Variants in UNC5D observed in about 807,000 individuals in gnomAD.
The protein encoded by UNC5D is netrin receptor UNC5D.
Under a neutral mutation model 105.4 loss-of-function variants are expected in UNC5D, and 39 were observed. That is an observed-to-expected ratio of 0.37 (90% CI 0.29 to 0.48). The LOEUF (loss-of-function observed/expected upper bound fraction) is 0.48. Among genes scored for constraint, UNC5D ranks in the 20% least tolerant of loss-of-function variants. UNC5D has a pLI of 0.98. For synonymous variants in UNC5D, 452 were observed against 450.4 expected, an observed-to-expected ratio of 1.00 and a Z score of -0.04; for missense variants, 991 against 1,202.4, an observed-to-expected ratio of 0.82 and a Z score of 2.60.
At chr8:35,605,901 G>T (rs1427208268) in intron 4 of UNC5D, among the ~76,000 whole-genome samples, 1 of 152,048 alleles carries the variant, frequency 6.6e-6, no homozygotes, top group African/African-American at 2.4e-5. Flanking sequence ...TAGACATTAG[G>T]TGAAACTATT....
At chr8:35,359,715 C>T (rs926245018) in intron 1 of UNC5D, among the ~76,000 whole-genome samples, 12 of 152,116 alleles carry the variant, frequency 7.9e-5, no homozygotes, top group East Asian at 3.9e-4. Context: ...TTCTACATCA[C>T]GTTCATTAAA....
intron 1 of UNC5D, among the ~76,000 whole-genome samples, chr8:35,511,135 C>G (rs1812673130): frequency 6.6e-6 from 1 of 152,126 alleles, no homozygotes; most frequent in Non-Finnish European, 1.5e-5. Context: ...TATGTAAGAG[C>G]AGTTCTTCTT....
chr8:35,331,680 T>C (rs1467604838), intron 1 of UNC5D, among the ~76,000 whole-genome samples: 1 of 152,168 alleles, frequency 6.6e-6, no homozygotes, highest in Non-Finnish European at 1.5e-5. Context: ...CATGAATCAG[T>C]TCTCATGAAG....
intron 1 of UNC5D, among the ~76,000 whole-genome samples, chr8:35,305,583 T>TTCTTTC (rs1302149763): frequency 7.4e-5 from 6 of 81,508 alleles, no homozygotes; most frequent in African/African-American, 2.5e-4. Context: ...TTCTTTTTCT[T>TTCTTTC]TCTTTCTTTC....
At chr8:35,594,188 A>T (rs1819350706) in intron 3 of UNC5D, among the ~76,000 whole-genome samples, 1 of 152,164 alleles carries the variant, frequency 6.6e-6, no homozygotes, top group Admixed American at 6.5e-5. Context: ...ATATATACTC[A>T]TGAAGACCTC....
rs887152418 is a variant in UNC5D at position 35,235,491 on chromosome 8, G to A, written c.-294G>A. ...GCCTCCGCTCCGTAGTTCGGGGCCCGGCAGCGGCGCGAGGGCTGGGAACTG... is the reference window on the plus strand; with the variant it reads ...GCCTCCGCTCCGTAGTTCGGGGCCCAGCAGCGGCGCGAGGGCTGGGAACTG... On this transcript the variant is annotated 5_prime_UTR_variant, in exon 1 of 17. Transcript: ENST00000404895. The A allele has an allele frequency of 6.9e-6, 2 of 288,532 alleles. No homozygotes were observed. Among genetic ancestry groups the A allele is most frequent in the Non-Finnish European group, 1.3e-5 (2 of 156,538 alleles). 17.9% of individuals were successfully genotyped at this position (288,532 alleles called of 1,614,324 possible).
chr8:35,459,367 A>G (rs1808727239), intron 1 of UNC5D, among the ~76,000 whole-genome samples: 1 of 152,208 alleles, frequency 6.6e-6, no homozygotes, highest in South Asian at 2.1e-4. Flanking sequence ...AAGCAGGCTA[A>G]TAACATTTCA....
intron 1 of UNC5D, among the ~76,000 whole-genome samples, chr8:35,312,249 C>T (rs540541135): frequency 9.9e-4 from 151 of 152,250 alleles, no homozygotes; most frequent in Non-Finnish European, 1.8e-3. Flanking sequence ...AAATGTCTAA[C>T]CAGGATGACA....
At chr8:35,488,298 A>G (rs1255814771) in intron 1 of UNC5D, among the ~76,000 whole-genome samples, 1 of 152,200 alleles carries the variant, frequency 6.6e-6, no homozygotes, top group Non-Finnish European at 1.5e-5. Flanking sequence ...GGACAAAATG[A>G]AGGAAGACTG....
At chr8:35,345,453 C>T (rs1811739960) in intron 1 of UNC5D, among the ~76,000 whole-genome samples, 1 of 151,952 alleles carries the variant, frequency 6.6e-6, no homozygotes, top group Non-Finnish European at 1.5e-5. Flanking sequence ...AAATAAAAAT[C>T]CTGCTATACT....
At chr8:35,749,634 G>A (rs529925876) in intron 12 of UNC5D, among the ~76,000 whole-genome samples, 172 of 152,246 alleles carry the variant, frequency 1.1e-3, no homozygotes, top group African/African-American at 3.9e-3. Context: ...GCGTTTTAGT[G>A]CAACCATGAG....
At chr8:35,246,975 C>G (rs1803143670) in intron 1 of UNC5D, among the ~76,000 whole-genome samples, 1 of 151,946 alleles carries the variant, frequency 6.6e-6, no homozygotes, top group Non-Finnish European at 1.5e-5. Flanking sequence ...ATTTCCAGGC[C>G]AAAGTCCAAA....
At position 35,312,804 on chromosome 8, in the gene UNC5D, A is replaced by G. The variant is rs140199911; in HGVS notation, c.103+76917A>G. ...TCAGAACTTCATGTTTCAATGTAGG[A>G]TAGTATTCCGTAATATAAACTCTCA... On this transcript the variant is annotated intron_variant, in intron 1 of 16. Coordinates refer to ENST00000404895, the MANE Select transcript of UNC5D (RefSeq NM_080872.4). Among the ~76,000 whole-genome samples, 321 of 152,310 alleles carry G rather than the reference A, an allele frequency of 2.1e-3. 2 individuals are homozygous for G. Among genetic ancestry groups the G allele is most frequent in the African/African-American group, 7.5e-3 (310 of 41,586 alleles).
chr8:35,305,801 TTTTC>T (rs943001642), intron 1 of UNC5D, among the ~76,000 whole-genome samples: 24 of 149,986 alleles, frequency 1.6e-4, no homozygotes, highest in African/African-American at 3.9e-4. Flanking sequence ...TCTTTCTCTC[TTTTC>T]TTTCTTTCTC....
At chr8:35,311,696 A>G (rs570036495) in intron 1 of UNC5D, among the ~76,000 whole-genome samples, 1 of 152,180 alleles carries the variant, frequency 6.6e-6, no homozygotes, top group Non-Finnish European at 1.5e-5. Flanking sequence ...TTTAAAATGC[A>G]CTAAATCACA....
intron 4 of UNC5D, among the ~76,000 whole-genome samples, chr8:35,680,107 C>T (rs1299381637): frequency 6.6e-6 from 1 of 152,158 alleles, no homozygotes; most frequent in Non-Finnish European, 1.5e-5. Context: ...GATCTGATCT[C>T]CTCTGTAAGA....
Position 35,568,310 on chromosome 8 carries a change from T to C in UNC5D, c.466+69T>C, listed in dbSNP as rs565332649. On this transcript the variant is annotated intron_variant, in intron 3 of 16. Coordinates refer to ENST00000404895, the MANE Select transcript of UNC5D (RefSeq NM_080872.4). ...AGAGTTAAATAGAGCTGAAGAGAGG[T>C]TTTACAGATGTCAGATGCTTCTACA... The C allele has an allele frequency of 6.8e-5, 106 of 1,549,238 alleles. No homozygotes were observed. The African/African-American group carries it at 1.4e-3, about 20-fold the overall frequency.
chr8:35,540,979 A>T (rs190100921), intron 1 of UNC5D, among the ~76,000 whole-genome samples: 1 of 152,268 alleles, frequency 6.6e-6, no homozygotes, highest in Admixed American at 6.5e-5. Context: ...TTCTTTCTAT[A>T]ATCTAGTGGT....
chr8:35,705,125 C>T (rs537676974), intron 7 of UNC5D, among the ~76,000 whole-genome samples: 231 of 152,146 alleles, frequency 1.5e-3, no homozygotes, highest in African/African-American at 5.1e-3. Flanking sequence ...CCACCTCGCC[C>T]GGCTAATTTT....
Sources: gnomAD v4.1 joint callset for allele counts (sites outside exome capture counted in the v4.1 genomes callset) on GRCh38, gnomAD v4.1.1 for gene constraint, MANE v1.5 for transcripts, NCBI Gene and HGNC (gene_info 2026-07-23, HGNC 2026-07-21) for gene names.